Variants in ATP9B observed in about 807,000 individuals in gnomAD.
ATP9B encodes the protein ATPase phospholipid transporting 9B.
A neutral mutation model predicts 146.1 loss-of-function variants in ATP9B; 110 were observed. That is an observed-to-expected ratio of 0.75 (90% CI 0.65 to 0.88). The LOEUF (loss-of-function observed/expected upper bound fraction) is 0.88. ATP9B is among the 40% of genes least tolerant of loss of function. ATP9B has a pLI of 0.00. For missense variants in ATP9B, 1,499 were observed against 1,496.4 expected, an observed-to-expected ratio of 1.00 and a Z score of -0.03; for synonymous variants, 604 against 569.7, an observed-to-expected ratio of 1.06 and a Z score of -0.86.
At chr18:79,349,719 C>T (rs550471133) in intron 25 of ATP9B, among the ~76,000 whole-genome samples, 10 of 152,054 alleles carry the variant, frequency 6.6e-5, no homozygotes, top group Non-Finnish European at 1.5e-4. Flanking sequence ...GAGAGGCGCC[C>T]CCGTCATCCT....
intron 2 of ATP9B, 33 bp from the exon 3 acceptor site, chr18:79,110,322 A>G (rs532982027): frequency 1.1e-5 from 17 of 1,503,556 alleles, no homozygotes; most frequent in Non-Finnish European, 1.3e-5. Context: ...AAGCAAAAAA[A>G]AATACACAAT....
intron 15 of ATP9B, among the ~76,000 whole-genome samples, chr18:79,321,234 G>A (rs953938033): frequency 1.3e-5 from 2 of 152,312 alleles, no homozygotes; most frequent in Non-Finnish European, 2.9e-5. Flanking sequence ...GTGTCCGTGG[G>A]AACCAGCCGT....
At chr18:79,163,041 C>A (rs2094907722) in intron 7 of ATP9B, among the ~76,000 whole-genome samples, 1 of 152,126 alleles carries the variant, frequency 6.6e-6, no homozygotes, top group Non-Finnish European at 1.5e-5. Context: ...ATAAGCAGGC[C>A]AACTTAGTAA....
intron 4 of ATP9B, 68 bp from the exon 5 acceptor site, chr18:79,126,199 A>C: frequency 7.5e-7 from 1 of 1,329,380 alleles, no homozygotes; most frequent in Non-Finnish European, 1.1e-6. Flanking sequence ...AGTTAAACCA[A>C]GTAACAAATA....
At chr18:79,134,097 G>A (rs560317158) in intron 5 of ATP9B, among the ~76,000 whole-genome samples, 1 of 152,164 alleles carries the variant, frequency 6.6e-6, no homozygotes, top group Non-Finnish European at 1.5e-5. Context: ...CCTGGCTCTG[G>A]CCACCTGCTC....
In ATP9B at chr18:79,245,787, A is replaced by G. The variant is rs377582821; in HGVS notation, c.1108-7594A>G. ...CGCCCTACTGACTGAGGAGGGCACC[A>G]CCCTACTGACTGAGGAGGGTACCAC... is the stretch of plus-strand genomic sequence containing the variant. On this transcript the variant is annotated intron_variant, in intron 11 of 29. Transcript: ENST00000426216. Among the ~76,000 whole-genome samples the G allele has an allele frequency of 8.4e-3, 999 of 119,262 alleles. 3 individuals carry two copies. Among genetic ancestry groups the G allele is most frequent in the African/African-American group, 0.027 (815 of 30,408 alleles). The allele number at this position is 119,262 out of a possible 152,430, so 78.2% of individuals were successfully genotyped here.
intron 17 of ATP9B, among the ~76,000 whole-genome samples, chr18:79,333,865 A>C (rs1351667063): frequency 6.6e-6 from 1 of 152,216 alleles, no homozygotes; most frequent in Admixed American, 6.5e-5. Flanking sequence ...TGTCAACCCC[A>C]GTGTCAGAGA....
chr18:79,165,405 C>A (rs936214952), intron 7 of ATP9B, among the ~76,000 whole-genome samples: 2 of 152,196 alleles, frequency 1.3e-5, no homozygotes, highest in Admixed American at 1.3e-4. Context: ...TTCTTGTCCT[C>A]ATTCCACCAG....
intron 3 of ATP9B, among the ~76,000 whole-genome samples, chr18:79,112,695 C>T (rs989816149): frequency 2.0e-5 from 3 of 151,692 alleles, no homozygotes; most frequent in Non-Finnish European, 4.4e-5. Flanking sequence ...CACCTGTTCA[C>T]GTTTGGCTTG....
At chr18:79,102,721 TG>T (rs1037995755) in intron 2 of ATP9B, among the ~76,000 whole-genome samples, 1 of 152,112 alleles carries the variant, frequency 6.6e-6, no homozygotes, top group Non-Finnish European at 1.5e-5. Flanking sequence ...TTTATTAGTT[TG>T]GGGGGGATTG....
rs567657486 is a variant in ATP9B, at chr18:79,114,253, C to A, written c.558+899C>A. On this transcript the variant is annotated intron_variant, in intron 4 of 29. Coordinates refer to ENST00000426216, the MANE Select transcript of ATP9B (RefSeq NM_198531.5). ...GGGATTACAGGCGTGAGCCACTGCG[C>A]CTGGCCACTACTTCCTTTTTTTTGA... 6.6e-5 allele frequency among the ~76,000 whole-genome samples: 10 copies of A among 152,326 alleles called. No individual in the cohort carries two copies. In the East Asian group the frequency reaches 1.9e-3, roughly 29 times the overall value.
intron 25 of ATP9B, among the ~76,000 whole-genome samples, chr18:79,358,813 CCCT>C (rs2096968923): frequency 8.7e-6 from 1 of 115,270 alleles, no homozygotes; most frequent in Admixed American, 8.7e-5. Context: ...GTGTGAGGGA[CCCT>C]GTGTGAGGGG....
At chr18:79,335,639 G>A (rs776402233) in intron 17 of ATP9B, among the ~76,000 whole-genome samples, 14 of 152,108 alleles carry the variant, frequency 9.2e-5, no homozygotes, top group Non-Finnish European at 1.6e-4. Flanking sequence ...GGATCTGGCC[G>A]TGTCCCCACC....
chr18:79,136,971 G>A (rs1291101202), intron 5 of ATP9B, among the ~76,000 whole-genome samples: 1 of 152,188 alleles, frequency 6.6e-6, no homozygotes, highest in African/African-American at 2.4e-5. Context: ...AACAGCATGA[G>A]GGTAACCGCC....
chr18:79,322,816 G>A (rs946566212), intron 15 of ATP9B, among the ~76,000 whole-genome samples: 2 of 152,170 alleles, frequency 1.3e-5, no homozygotes, highest in African/African-American at 4.8e-5. Flanking sequence ...CAAATTCTAG[G>A]TGCCTCCCAG....
intron 25 of ATP9B, among the ~76,000 whole-genome samples, chr18:79,350,751 A>G (rs956670842): frequency 4.0e-5 from 6 of 149,104 alleles, no homozygotes; most frequent in African/African-American, 1.2e-4. Context: ...ACATATTTAC[A>G]GTAATTATTA....
chr18:79,092,222 G>T (rs905721741), intron 1 of ATP9B, among the ~76,000 whole-genome samples: 1 of 152,146 alleles, frequency 6.6e-6, no homozygotes, highest in Non-Finnish European at 1.5e-5. Flanking sequence ...TTGTTGTGCA[G>T]CCATCCTAGA....
At chr18:79,360,382 G>T (rs553739074) in intron 26 of ATP9B, 1 of 152,056 alleles carries the variant, frequency 6.6e-6, no homozygotes, top group African/African-American at 2.4e-5. Context: ...CATTAAAAAA[G>T]AAAGCTAATG....
At chr18:79,165,660 G>A (rs72994275) in intron 7 of ATP9B, among the ~76,000 whole-genome samples, 10,534 of 152,266 alleles carry the variant, frequency 0.069, 429 homozygotes, top group Non-Finnish European at 0.096. Context: ...GCCATGGCCT[G>A]TTATCTTCCT....
Sources: gnomAD v4.1 joint callset for allele counts (sites outside exome capture counted in the v4.1 genomes callset) on GRCh38, gnomAD v4.1.1 for gene constraint, MANE v1.5 for transcripts, NCBI Gene and HGNC (gene_info 2026-07-23, HGNC 2026-07-21) for gene names.